Variants in KLHL29 observed in about 807,000 individuals in gnomAD.
KLHL29 encodes kelch-like protein 29.
Under a neutral mutation model 80.4 loss-of-function variants are expected in KLHL29, and 21 were observed. The ratio of observed to expected loss-of-function variants is 0.26; its 90% confidence interval spans 0.19 to 0.38. The LOEUF is 0.38. Ranked by LOEUF, KLHL29 falls within the 10% of genes least tolerant of loss-of-function variation. KLHL29 has a pLI of 1.00. For synonymous variants in KLHL29, 511 were observed against 526.8 expected, an observed-to-expected ratio of 0.97 and a Z score of 0.41; for missense variants, 867 against 1,223.9, an observed-to-expected ratio of 0.71 and a Z score of 4.35.
chr2:23,676,096 T>C (rs11125163), intron 5 of KLHL29, among the ~76,000 whole-genome samples: 55,804 of 152,032 alleles, frequency 0.37, 12,796 homozygotes, highest in East Asian at 0.62. Context: ...TCTACTCCAA[T>C]AGAGGTACCA....
chr2:23,406,427 A>G (rs1666734706), intron 1 of KLHL29, among the ~76,000 whole-genome samples: 1 of 151,894 alleles, frequency 6.6e-6, no homozygotes, highest in Non-Finnish European at 1.5e-5. Flanking sequence ...GCATTTTCAC[A>G]TTAGTTGGGA....
At chr2:23,493,606 T>C (rs1665168649) in intron 2 of KLHL29, among the ~76,000 whole-genome samples, 1 of 152,116 alleles carries the variant, frequency 6.6e-6, no homozygotes, top group South Asian at 2.1e-4. Flanking sequence ...TATTCGAATA[T>C]GCTAAATCTC....
intron 1 of KLHL29, among the ~76,000 whole-genome samples, chr2:23,443,550 T>C (rs1663591748): frequency 6.6e-6 from 1 of 152,254 alleles, no homozygotes; most frequent in African/African-American, 2.4e-5. Context: ...TCTTGCAGAA[T>C]GTCCCACATA....
Position 23,525,930 on chromosome 2 carries a change from A to G in KLHL29, c.-45-36222A>G, listed in dbSNP as rs538876741. On this transcript the variant is annotated intron_variant, in intron 2 of 13. Coordinates refer to ENST00000486442, the MANE Select transcript of KLHL29 (RefSeq NM_052920.2). Reference sequence around the variant, plus strand: ...GGAGCTGGCACGAAGCTTCCTCCCGATGCAACCCAGCCACCCTTCTGGCCT... The same window carrying G: ...GGAGCTGGCACGAAGCTTCCTCCCGGTGCAACCCAGCCACCCTTCTGGCCT... Among the ~76,000 whole-genome samples, 4 of 152,274 alleles carry G rather than the reference A, an allele frequency of 2.6e-5. No individual in the cohort carries two copies. The South Asian group carries it at 8.3e-4, about 32-fold the overall frequency.
At chr2:23,494,876 C>G (rs760044906) in intron 2 of KLHL29, among the ~76,000 whole-genome samples, 1 of 152,198 alleles carries the variant, frequency 6.6e-6, no homozygotes, top group Non-Finnish European at 1.5e-5. Flanking sequence ...GTGCAGCTCA[C>G]ACTGGCCTTG....
At chr2:23,445,992 T>A (rs1663663152) in intron 1 of KLHL29, among the ~76,000 whole-genome samples, 1 of 152,248 alleles carries the variant, frequency 6.6e-6, no homozygotes, top group Non-Finnish European at 1.5e-5. Flanking sequence ...CCTTTTTCTC[T>A]AAATTGCAAA....
intron 1 of KLHL29, among the ~76,000 whole-genome samples, chr2:23,446,236 A>T (rs1393137845): frequency 1.1e-4 from 17 of 148,456 alleles, no homozygotes; most frequent in Admixed American, 1.1e-3. Flanking sequence ...ATGGTATGAT[A>T]GGGATCCAGT....
At chr2:23,483,829 G>C (rs866569084) in intron 2 of KLHL29, among the ~76,000 whole-genome samples, 1 of 152,132 alleles carries the variant, frequency 6.6e-6, no homozygotes, top group Non-Finnish European at 1.5e-5. Context: ...TTGTGTCCTG[G>C]TTCCTAATAC....
intron 1 of KLHL29, among the ~76,000 whole-genome samples, chr2:23,400,637 A>G (rs894323998): frequency 6.6e-6 from 1 of 152,032 alleles, no homozygotes; most frequent in Non-Finnish European, 1.5e-5. Flanking sequence ...ATAAAGGTCA[A>G]CTTGGGAAAT....
chr2:23,642,604 C>A lies in KLHL29; in HGVS notation c.694C>A (p.Pro232Thr). 1.3e-6 allele frequency: 2 copies of A among 1,549,992 alleles called. No homozygotes were observed. The highest frequency in any genetic ancestry group is 1.7e-4 in the Middle Eastern group (1 of 5,986). The change falls in exon 5 of 14, where the codon CCC becomes ACC. Residue 232 changes from proline to threonine, a missense_variant. This residue lies in a region of KLHL29 where 424 missense variants were observed against 456.9 expected (regional missense o/e 0.93). Coordinates refer to ENST00000486442, the MANE Select transcript of KLHL29 (RefSeq NM_052920.2). ...CCAGGCCCTGTATGCCAGCCCTCAG[C>A]CCCTGGCCGTGTCCACACTGCCCGG... is the stretch of plus-strand genomic sequence containing the variant. ...PAQALYASPQ[P>T]LAVSTLPGVG...
rs143070457 is a variant in KLHL29, at chr2:23,446,222, G to A, written c.-153-29338G>A. 3.5e-3 allele frequency among the ~76,000 whole-genome samples: 524 copies of A among 148,324 alleles called. 3 individuals carry two copies. Among genetic ancestry groups the A allele is most frequent in the African/African-American group, 0.013 (505 of 40,316 alleles). On this transcript the variant is annotated intron_variant, in intron 1 of 13. Transcript: ENST00000486442. Reference sequence around the variant, plus strand: ...ATTTGGAGTTTTTTTTTTTTTTCTGGTGAATGGTATGATAGGGATCCAGTT... The same window carrying A: ...ATTTGGAGTTTTTTTTTTTTTTCTGATGAATGGTATGATAGGGATCCAGTT...
intron 2 of KLHL29, among the ~76,000 whole-genome samples, chr2:23,550,132 T>C (rs764644457): frequency 4.9e-4 from 75 of 152,172 alleles, no homozygotes; most frequent in Non-Finnish European, 9.8e-4. Context: ...CTGTGCCCTG[T>C]TCTTATTTCC....
At chr2:23,515,034 A>C (rs997693107) in intron 2 of KLHL29, among the ~76,000 whole-genome samples, 5 of 151,984 alleles carry the variant, frequency 3.3e-5, no homozygotes, top group Non-Finnish European at 5.9e-5. Flanking sequence ...TTTTCCCTCC[A>C]CCCAACACTA....
At chr2:23,523,203 G>C (rs563720271) in intron 2 of KLHL29, among the ~76,000 whole-genome samples, 2 of 152,120 alleles carry the variant, frequency 1.3e-5, no homozygotes, top group Non-Finnish European at 2.9e-5. Flanking sequence ...GCCTGTCAGC[G>C]GCAGCACGGT....
At chr2:23,651,311 AG>A (rs1312297502) in intron 5 of KLHL29, among the ~76,000 whole-genome samples, 1 of 152,200 alleles carries the variant, frequency 6.6e-6, no homozygotes, top group Non-Finnish European at 1.5e-5. Flanking sequence ...GTGTCCTGGC[AG>A]CCTCTTGGAT....
At chr2:23,569,810 T>A (rs539530484) in intron 3 of KLHL29, among the ~76,000 whole-genome samples, 29 of 152,314 alleles carry the variant, frequency 1.9e-4, no homozygotes, top group South Asian at 2.1e-4. Flanking sequence ...TTAGCTTGAT[T>A]TCATTGAGGG....
chr2:23,563,076 G>C (rs1162225561), intron 3 of KLHL29, among the ~76,000 whole-genome samples: 1 of 152,210 alleles, frequency 6.6e-6, no homozygotes, highest in Admixed American at 6.5e-5. Flanking sequence ...AAGGCTGTGG[G>C]ACCTTTCTGC....
At chr2:23,693,248 G>A in intron 7 of KLHL29, 21 bp from the exon 8 acceptor site, 4 of 1,535,384 alleles carry the variant, frequency 2.6e-6, no homozygotes, top group Admixed American at 2.0e-5. Flanking sequence ...TGGGTCAGTG[G>A]TCCTGCGCTG....
rs865959056 is a variant in KLHL29, at chr2:23,421,560, G to A, written c.-154+35780G>A. 3.4e-4 allele frequency among the ~76,000 whole-genome samples: 48 copies of A among 141,320 alleles called. 3 individuals are homozygous for A. Among genetic ancestry groups the A allele is most frequent in the African/African-American group, 1.2e-3 (41 of 35,444 alleles). 92.7% of individuals were successfully genotyped at this position (141,320 alleles called of 152,430 possible). On this transcript the variant is annotated intron_variant, in intron 1 of 13. Transcript: ENST00000486442. ...TGTGTGTGTGTGTGTGTGTGTGTGTGTGTGTCTGTAGCTGTGTGTGTCTGT... is the reference window on the plus strand; with the variant it reads ...TGTGTGTGTGTGTGTGTGTGTGTGTATGTGTCTGTAGCTGTGTGTGTCTGT...
Sources: allele counts gnomAD v4.1 joint callset (sites outside exome capture counted in the v4.1 genomes callset), GRCh38; gene constraint gnomAD v4.1.1; regional missense constraint gnomAD v4.1.1; transcripts MANE v1.5; gene names NCBI Gene and HGNC (gene_info 2026-07-23, HGNC 2026-07-21).